Variants in ZNF488 observed in about 807,000 individuals in gnomAD.
The protein encoded by ZNF488 is zinc finger protein 488.
A neutral mutation model predicts 1.2 loss-of-function variants in ZNF488; 1 was observed. That is an observed-to-expected ratio of 0.86 (90% CI 0.30 to 4.07). The LOEUF (loss-of-function observed/expected upper bound fraction) is 4.07. Ranked by LOEUF, ZNF488 falls within the 30% of genes most tolerant of loss-of-function variation. ZNF488 has a pLI of 0.18. For synonymous variants in ZNF488, 185 were observed against 190.1 expected (o/e 0.97, Z 0.22); for missense variants, 450 against 437.9 (o/e 1.03, Z -0.25).
At position 47,368,952 on chromosome 10, in the gene ZNF488, A is replaced by C. The variant is rs557593190; in HGVS notation, c.-108-15T>G. 1.9e-5 allele frequency: 22 copies of C among 1,185,628 alleles called. No individual in the cohort carries two copies. In the African/African-American group the frequency reaches 3.2e-4, roughly 17 times the overall value. The allele number at this position is 1,185,628 out of a possible 1,614,324, so 73.4% of individuals were successfully genotyped here. ...GCCACAGGGCCCTGCAGAGAGAGGA[A>C]GCGACAGGCAGTGAGATGGGCATTC... On this transcript the variant is annotated splice_polypyrimidine_tract_variant and intron_variant, in intron 1 of 1. Coordinates refer to ENST00000585316, the MANE Select transcript of ZNF488 (RefSeq NM_153034.4).
At chr10:47,382,092 C>A (rs1439520836) in intron 1 of ZNF488, among the ~76,000 whole-genome samples, 1 of 152,266 alleles carries the variant, frequency 6.6e-6, no homozygotes, top group African/African-American at 2.4e-5. Flanking sequence ...GACAAACACT[C>A]TGGGCCTCCA....
intron 1 of ZNF488, among the ~76,000 whole-genome samples, chr10:47,374,683 T>C (rs1265623313): frequency 6.6e-6 from 1 of 152,160 alleles, no homozygotes; most frequent in Non-Finnish European, 1.5e-5. Context: ...TGGCACTGTC[T>C]AGTAGAAACT....
chr10:47,375,547 T>C (rs1588882792), intron 1 of ZNF488, among the ~76,000 whole-genome samples: 3 of 152,256 alleles, frequency 2.0e-5, no homozygotes, highest in Admixed American at 6.5e-5. Context: ...ACTGAAATTT[T>C]TGTCTTGTCG....
intron 1 of ZNF488, among the ~76,000 whole-genome samples, chr10:47,372,151 C>T (rs1327327261): frequency 6.6e-6 from 1 of 152,212 alleles, no homozygotes; most frequent in African/African-American, 2.4e-5. Context: ...TGGTGACTCT[C>T]AACACTGACT....
Position 47,368,433 on chromosome 10 carries a change from G to A in ZNF488, c.397C>T (p.Gln133Ter). ...CCTCTGGGGATGTTCTGGGTCAGCT[G>A]TGGGGCACCAGGTTGGCCTGTGGGG... ...DDPTGQPGAP[Q>*]LTQNIPRGPA... Residue 133 changes from glutamine to a stop codon, truncating the protein, a stop_gained, in exon 2 of 2, where the codon CAG becomes TAG. Coordinates refer to ENST00000585316, the MANE Select transcript of ZNF488 (RefSeq NM_153034.4). LOFTEE classifies it low-confidence loss of function (END_TRUNC). The A allele has an allele frequency of 6.2e-7, 1 of 1,614,170 alleles. No individual in the cohort carries two copies. Among genetic ancestry groups the A allele is most frequent in the Non-Finnish European group, 8.5e-7 (1 of 1,180,042 alleles).
intron 1 of ZNF488, among the ~76,000 whole-genome samples, chr10:47,381,510 G>T (rs1837954065): frequency 6.6e-6 from 1 of 152,302 alleles, no homozygotes; most frequent in East Asian, 1.9e-4. Flanking sequence ...CACTGAAGGT[G>T]ATCCAGGCTT....
At chr10:47,384,113 G>A (rs530596702) in intron 1 of ZNF488, 107 bp downstream of exon 1, 1 of 152,592 alleles carries the variant, frequency 6.6e-6, no homozygotes, top group Non-Finnish European at 1.5e-5. Flanking sequence ...TCAAAGGCAG[G>A]ACTCAACAAC....
At chr10:47,379,411 C>T (rs1252604098) in intron 1 of ZNF488, among the ~76,000 whole-genome samples, 4 of 102,726 alleles carry the variant, frequency 3.9e-5, no homozygotes, top group African/African-American at 1.5e-4. Context: ...CTTCACACTC[C>T]ATCAATGTTA....
chr10:47,376,112 G>C (rs1555214394), intron 1 of ZNF488, among the ~76,000 whole-genome samples: 2 of 152,204 alleles, frequency 1.3e-5, no homozygotes, highest in Non-Finnish European at 1.5e-5. Context: ...TGCAATGAGA[G>C]AGAAAAACAC....
chr10:47,377,128 G>C (rs1192892427), intron 1 of ZNF488, among the ~76,000 whole-genome samples: 2 of 152,208 alleles, frequency 1.3e-5, no homozygotes, highest in African/African-American at 4.8e-5. Flanking sequence ...GGAAGAGTGG[G>C]GTGGACTGCA....
chr10:47,369,840 G>A (rs1239322516), intron 1 of ZNF488, among the ~76,000 whole-genome samples: 3 of 152,180 alleles, frequency 2.0e-5, no homozygotes, highest in Admixed American at 2.0e-4. Flanking sequence ...AGGCCTGCAT[G>A]CACCACGTGC....
intron 1 of ZNF488, 130 bp from the exon 2 acceptor site, chr10:47,369,067 C>A: frequency 1.9e-6 from 1 of 533,270 alleles, no homozygotes; most frequent in Non-Finnish European, 3.3e-6. Context: ...GGTGTGCTGA[C>A]TGCACCACCT....
rs552774621 is a variant in ZNF488 at position 47,366,709 on chromosome 10, C to A, written c.*1098G>T. 6.0e-6 allele frequency: 1 copy of A among 167,054 alleles called. No homozygotes were observed. Among genetic ancestry groups the A allele is most frequent in the African/African-American group, 2.4e-5 (1 of 41,432 alleles). The allele number at this position is 167,054 out of a possible 1,614,324, so 10.3% of individuals were successfully genotyped here. A position where few individuals can be genotyped will look rare whatever the true frequency, so the allele number is the denominator to read the frequency against. ...TACCTACAACAGCTACTGACCGAAA[C>A]GCAGTAGATAATAAATGGTACCTAG... On this transcript the variant is annotated 3_prime_UTR_variant, in exon 2 of 2. Coordinates refer to ENST00000585316, the MANE Select transcript of ZNF488 (RefSeq NM_153034.4).
chr10:47,381,901 C>G (rs1588891636), intron 1 of ZNF488, among the ~76,000 whole-genome samples: 1 of 47,842 alleles, frequency 2.1e-5, no homozygotes, highest in East Asian at 2.8e-4. Context: ...GAGCAGTGTT[C>G]TGCCAAACAA....
intron 1 of ZNF488, among the ~76,000 whole-genome samples, chr10:47,382,255 G>A (rs1837995823): frequency 6.6e-6 from 1 of 152,270 alleles, no homozygotes; most frequent in Non-Finnish European, 1.5e-5. Context: ...GCCTGAGACA[G>A]TGGTCCCAAT....
Position 47,368,366 on chromosome 10 carries a change from G to A in ZNF488, c.464C>T (p.Ala155Val). Reference protein sequence around the residue: ...SKVFSVWPSGARSEQRSAFSK... With the variant: ...SKVFSVWPSGVRSEQRSAFSK... ...AAAGGCGCTTCTTTGCTCACTTCGTGCTCCGCTGGGCCACACAGAGAAGAC... is the reference window on the plus strand; with the variant it reads ...AAAGGCGCTTCTTTGCTCACTTCGTACTCCGCTGGGCCACACAGAGAAGAC... Residue 155 changes from alanine (A) to valine (V), a missense_variant, in exon 2 of 2, where the codon GCA becomes GTA. Transcript: ENST00000585316. 9 of 1,614,182 alleles carry A rather than the reference G, an allele frequency of 5.6e-6. No individual in the cohort carries two copies. The highest frequency in any genetic ancestry group is 7.6e-6 in the Non-Finnish European group (9 of 1,180,050).
At chr10:47,369,000 T>G (rs1333254251) in intron 1 of ZNF488, 63 bp from the exon 2 acceptor site, 2 of 743,796 alleles carry the variant, frequency 2.7e-6, no homozygotes, top group Non-Finnish European at 4.2e-6. Context: ...CAGTGCATCA[T>G]GAGCTGGCAT....
In ZNF488 at chr10:47,367,726, G is replaced by GC; in HGVS notation, c.*80dup. The GC allele has an allele frequency of 6.8e-7, 1 of 1,473,876 alleles. No individual in the cohort carries two copies. The highest frequency in any genetic ancestry group is 9.2e-7 in the Non-Finnish European group (1 of 1,091,878). The allele number at this position is 1,473,876 out of a possible 1,614,324, so 91.3% of individuals were successfully genotyped here. On this transcript the variant is annotated 3_prime_UTR_variant, in exon 2 of 2. Coordinates refer to ENST00000585316, the MANE Select transcript of ZNF488 (RefSeq NM_153034.4). ...AGCAGCTCTGCAAAGGACCATGACA[G>GC]CCCCCTCAACGCAGGCCCAGGGAGC...
rs779796167 is a variant in ZNF488, at chr10:47,367,625, T to A, written c.*182A>T. ...CCCATCACTTTATTTCAGGACTTCA[T>A]TTCCTTCAAAACACATCATGCAGGT... On this transcript the variant is annotated 3_prime_UTR_variant, in exon 2 of 2. Coordinates refer to ENST00000585316, the MANE Select transcript of ZNF488 (RefSeq NM_153034.4). 4.6e-5 allele frequency: 33 copies of A among 723,354 alleles called. No homozygotes were observed. The highest frequency in any genetic ancestry group is 7.0e-5 in the Non-Finnish European group (31 of 441,650). 44.8% of individuals were successfully genotyped at this position (723,354 alleles called of 1,614,324 possible).
Sources: gnomAD v4.1 joint callset for allele counts (sites outside exome capture counted in the v4.1 genomes callset) on GRCh38, gnomAD v4.1.1 for gene constraint, MANE v1.5 for transcripts, NCBI Gene and HGNC (gene_info 2026-07-23, HGNC 2026-07-21) for gene names.